Variants in SLC22A15 observed in about 807,000 individuals in gnomAD.
SLC22A15 encodes the protein flipt 1.
In SLC22A15, 45 loss-of-function variants were observed where a neutral mutation model predicts 62.7. The ratio of observed to expected loss-of-function variants is 0.72; its 90% CI spans 0.56 to 0.92. The LOEUF (loss-of-function observed/expected upper bound fraction) is 0.92. SLC22A15 is among the 40% of genes least tolerant of loss of function. The pLI is 0.00. For missense variants in SLC22A15, 622 were observed against 665.6 expected, an observed-to-expected ratio of 0.93 and a Z score of 0.72; for synonymous variants, 264 against 267.0, an observed-to-expected ratio of 0.99 and a Z score of 0.11.
intron 2 of SLC22A15, among the ~76,000 whole-genome samples, chr1:116,007,086 G>C (rs113333141): frequency 3.9e-5 from 6 of 152,244 alleles, no homozygotes; most frequent in South Asian, 2.1e-4. Flanking sequence ...CCATGATATA[G>C]AGGTACACAT....
intron 2 of SLC22A15, among the ~76,000 whole-genome samples, chr1:116,011,680 G>A (rs1247483592): frequency 8.5e-5 from 13 of 152,236 alleles, no homozygotes. Context: ...AGCAAAAATA[G>A]GGTGATGTGG....
At chr1:116,025,082 G>A (rs567588826) in intron 4 of SLC22A15, among the ~76,000 whole-genome samples, 28 of 152,200 alleles carry the variant, frequency 1.8e-4, no homozygotes, top group African/African-American at 6.5e-4. Context: ...ACATGAGGTA[G>A]GCACTGTTAT....
At chr1:116,036,647 T>C (rs1657637817) in intron 7 of SLC22A15, among the ~76,000 whole-genome samples, 2 of 152,192 alleles carry the variant, frequency 1.3e-5, no homozygotes, top group African/African-American at 4.8e-5. Context: ...ATTATTGAGG[T>C]TCCTAGTAAA....
intron 2 of SLC22A15, among the ~76,000 whole-genome samples, chr1:116,010,120 C>T (rs990393373): frequency 1.3e-5 from 2 of 152,140 alleles, no homozygotes; most frequent in Non-Finnish European, 1.5e-5. Context: ...GCTATTGGAG[C>T]GAATTTATGT....
At chr1:116,008,659 C>T (rs1294596717) in intron 2 of SLC22A15, among the ~76,000 whole-genome samples, 1 of 152,232 alleles carries the variant, frequency 6.6e-6, no homozygotes, top group Non-Finnish European at 1.5e-5. Context: ...TGCTCGCAGT[C>T]ACCTGCTTGA....
chr1:116,028,695 T>C (rs1029207363), intron 5 of SLC22A15, among the ~76,000 whole-genome samples: 14 of 152,164 alleles, frequency 9.2e-5, no homozygotes, highest in African/African-American at 2.7e-4. Flanking sequence ...AAGCCTGGAA[T>C]GTAAGGCTTC....
intron 8 of SLC22A15, among the ~76,000 whole-genome samples, chr1:116,060,901 G>C (rs191892649): frequency 2.8e-4 from 42 of 152,116 alleles, no homozygotes; most frequent in Admixed American, 1.8e-3. Flanking sequence ...CCAGAAGGTG[G>C]AGTCTGGCAG....
intron 8 of SLC22A15, among the ~76,000 whole-genome samples, chr1:116,043,191 A>C (rs1402224181): frequency 6.6e-6 from 1 of 152,240 alleles, no homozygotes; most frequent in Non-Finnish European, 1.5e-5. Flanking sequence ...TGGGAGGCCA[A>C]GGTGGGTGGA....
At chr1:116,057,865 C>T (rs1228693714) in intron 8 of SLC22A15, among the ~76,000 whole-genome samples, 1 of 151,920 alleles carries the variant, frequency 6.6e-6, no homozygotes, top group Non-Finnish European at 1.5e-5. Flanking sequence ...AATGAGAACA[C>T]ATGGACACAG....
chr1:116,014,377 T>C (rs935437061), intron 2 of SLC22A15, among the ~76,000 whole-genome samples: 3 of 152,222 alleles, frequency 2.0e-5, no homozygotes, highest in Non-Finnish European at 2.9e-5. Context: ...ATACGAGTGC[T>C]TTTAGTGCTG....
In SLC22A15 at chr1:116,026,904, G is replaced by T; in HGVS notation, c.610G>T (p.Gly204Cys). 6.2e-7 allele frequency: 1 copy of T among 1,613,172 alleles called. No individual in the cohort carries two copies. The highest frequency in any genetic ancestry group is 8.5e-7 in the Non-Finnish European group (1 of 1,179,810). Reference protein sequence around the residue: ...AYWALAGSIGGLFFAVGIAQY... With the variant: ...AYWALAGSIGCLFFAVGIAQY... ...TTTCCCTGAATTAGGATCGATTGGCGGCCTGTTCTTTGCAGTTGGCATTGC... is the reference window on the plus strand; with the variant it reads ...TTTCCCTGAATTAGGATCGATTGGCTGCCTGTTCTTTGCAGTTGGCATTGC... Residue 204 changes from glycine (G) to cysteine (C), a missense_variant, in exon 5 of 12, where the codon GGC becomes TGC. Gly to Cys is a radical substitution (Grantham distance 159). Coordinates refer to ENST00000369503, the MANE Select transcript of SLC22A15 (RefSeq NM_018420.3).
intron 1 of SLC22A15, among the ~76,000 whole-genome samples, chr1:115,983,985 C>G (rs1311892175): frequency 6.6e-6 from 1 of 152,208 alleles, no homozygotes; most frequent in Non-Finnish European, 1.5e-5. Context: ...ACTTGGCATT[C>G]TAACATTGTG....
intron 5 of SLC22A15, among the ~76,000 whole-genome samples, chr1:116,029,453 G>A (rs923519628): frequency 6.6e-6 from 1 of 152,112 alleles, no homozygotes; most frequent in African/African-American, 2.4e-5. Flanking sequence ...ATGTTCAAAG[G>A]CCTGCTCTTT....
At chr1:116,002,394 G>T (rs1435650538) in intron 2 of SLC22A15, among the ~76,000 whole-genome samples, 4 of 152,118 alleles carry the variant, frequency 2.6e-5, no homozygotes, top group Non-Finnish European at 5.9e-5. Context: ...GTCAGTGGGT[G>T]ATTACTCCTA....
chr1:115,999,104 G>C (rs1431568478), intron 2 of SLC22A15, among the ~76,000 whole-genome samples: 1 of 152,122 alleles, frequency 6.6e-6, no homozygotes, highest in East Asian at 1.9e-4. Flanking sequence ...ACTAGTTACT[G>C]ATTTCTAGTT....
chr1:116,046,298 A>T (rs988104056), intron 8 of SLC22A15, among the ~76,000 whole-genome samples: 5 of 152,206 alleles, frequency 3.3e-5, no homozygotes, highest in African/African-American at 1.2e-4. Flanking sequence ...AGACTCTATT[A>T]CAGAAATGAA....
intron 5 of SLC22A15, among the ~76,000 whole-genome samples, chr1:116,027,629 GT>G (rs367849858): frequency 3.8e-4 from 55 of 145,530 alleles, no homozygotes; most frequent in Middle Eastern, 3.6e-3. Flanking sequence ...TTCCCCAGAA[GT>G]TTTTTTTTTT....
At chr1:115,993,952 G>A (rs1655290103) in intron 2 of SLC22A15, among the ~76,000 whole-genome samples, 1 of 152,126 alleles carries the variant, frequency 6.6e-6, no homozygotes, top group South Asian at 2.1e-4. Flanking sequence ...TCCACCTGGT[G>A]AAATCCTTAT....
intron 5 of SLC22A15, among the ~76,000 whole-genome samples, chr1:116,031,029 TTTCATTA>T (rs1657369973): frequency 6.6e-6 from 1 of 152,138 alleles, no homozygotes; most frequent in Non-Finnish European, 1.5e-5. Context: ...TATGAAGAAT[TTTCATTA>T]TTCAGTCCTA....
Sources: allele counts gnomAD v4.1 joint callset (sites outside exome capture counted in the v4.1 genomes callset), GRCh38; gene constraint gnomAD v4.1.1; transcripts MANE v1.5; gene names NCBI Gene and HGNC (gene_info 2026-07-23, HGNC 2026-07-21).